Variants in CHN2 observed in about 807,000 individuals in gnomAD.
CHN2 encodes chimerin 2.
CHN2 carries 35 observed loss-of-function variants against 56.3 expected under a neutral mutation model. That is an observed-to-expected ratio of 0.62 (90% CI 0.47 to 0.82). The LOEUF (loss-of-function observed/expected upper bound fraction) is 0.82, where lower values mean the gene tolerates loss of function less well. Ranked by LOEUF, CHN2 falls within the 40% of genes least tolerant of loss-of-function variation. The pLI, the probability that CHN2 is intolerant of heterozygous loss-of-function variation, is 0.00. For synonymous variants in CHN2, 210 were observed against 212.8 expected (o/e 0.99, Z 0.12); for missense variants, 491 against 580.5 (o/e 0.85, Z 1.58).
intron 6 of CHN2, among the ~76,000 whole-genome samples, chr7:29,423,181 G>A (rs1417065374): frequency 2.6e-5 from 4 of 152,170 alleles, no homozygotes; most frequent in Non-Finnish European, 5.9e-5. Context: ...AGGAAATGAC[G>A]GGGACGTTTA....
intron 4 of CHN2, among the ~76,000 whole-genome samples, chr7:29,396,002 C>T (rs1322121597): frequency 6.6e-6 from 1 of 152,020 alleles, no homozygotes; most frequent in Non-Finnish European, 1.5e-5. Flanking sequence ...ATCCTGATTA[C>T]CCTGATTTGA....
intron 1 of CHN2, among the ~76,000 whole-genome samples, chr7:29,252,578 G>GTATTTTTTTTTTTT (rs1788664578): frequency 5.1e-5 from 1 of 19,488 alleles, no homozygotes; most frequent in Non-Finnish European, 8.2e-5. Context: ...TGCATTCTTT[G>GTATTTTTTTTTTTT]TTTTTTTTTT....
chr7:29,295,259 C>T (rs528530451), intron 1 of CHN2, among the ~76,000 whole-genome samples: 22 of 151,362 alleles, frequency 1.5e-4, no homozygotes, highest in Non-Finnish European at 2.9e-4. Flanking sequence ...GTTGAATCCA[C>T]AGATGTGGAA....
chr7:29,443,963 T>C (rs902158620), intron 6 of CHN2, among the ~76,000 whole-genome samples: 2 of 152,216 alleles, frequency 1.3e-5, no homozygotes, highest in African/African-American at 2.4e-5. Flanking sequence ...CATTATATTA[T>C]GGTTCCCACA....
chr7:29,456,878 C>T (rs1274955345), intron 6 of CHN2, among the ~76,000 whole-genome samples: 3 of 152,024 alleles, frequency 2.0e-5, no homozygotes, highest in African/African-American at 7.2e-5. Context: ...CACTTTGTCT[C>T]CAGAAAGCAC....
chr7:29,183,716 G>C (rs1798353650), intron 2 of CHN2, among the ~76,000 whole-genome samples: 2 of 152,200 alleles, frequency 1.3e-5, no homozygotes, highest in East Asian at 3.9e-4. Flanking sequence ...ATTCTCTAGA[G>C]AAAGAGAACC....
intron 2 of CHN2, among the ~76,000 whole-genome samples, chr7:29,179,754 G>A (rs1047071997): frequency 6.6e-6 from 1 of 152,032 alleles, no homozygotes; most frequent in East Asian, 1.9e-4. Context: ...TGCAAAACAC[G>A]GGTAAGAACT....
intron 2 of CHN2, among the ~76,000 whole-genome samples, chr7:29,168,123 A>G (rs1481003700): frequency 3.9e-5 from 6 of 152,168 alleles, no homozygotes. Flanking sequence ...AGAATATCTC[A>G]TTGTGGTTTT....
Position 29,502,628 on chromosome 7 carries a change from G to A in CHN2, c.914-2116G>A, listed in dbSNP as rs573877717. On this transcript the variant is annotated intron_variant, in intron 9 of 12. Transcript: ENST00000222792. ...GATTAGCTTCTTAAAAAAGCATCTC[G>A]ATGTAATACAGGGTGACGCTTTGCT... is the stretch of plus-strand genomic sequence containing the variant. Among the ~76,000 whole-genome samples the A allele has an allele frequency of 2.9e-4, 44 of 152,254 alleles. No homozygotes were observed. In the East Asian group the frequency reaches 4.0e-3, roughly 14 times the overall value.
intron 1 of CHN2, among the ~76,000 whole-genome samples, chr7:29,251,385 T>C (rs550254770): frequency 5.1e-4 from 78 of 151,790 alleles, no homozygotes; most frequent in Non-Finnish European, 9.3e-4. Flanking sequence ...GCCTGGGAGG[T>C]CAAGACTGCA....
intron 1 of CHN2, among the ~76,000 whole-genome samples, chr7:29,341,517 C>G (rs1306163566): frequency 6.6e-6 from 1 of 151,448 alleles, no homozygotes; most frequent in East Asian, 1.9e-4. Flanking sequence ...ACAATGAAAT[C>G]TGGGGAAGAG....
At chr7:29,211,471 C>T (rs958523209) in intron 1 of CHN2, among the ~76,000 whole-genome samples, 3 of 151,652 alleles carry the variant, frequency 2.0e-5, no homozygotes, top group Non-Finnish European at 4.4e-5. Flanking sequence ...CACACACACA[C>T]ACACACACAC....
At chr7:29,242,536 G>T (rs970542240) in intron 1 of CHN2, among the ~76,000 whole-genome samples, 1 of 151,768 alleles carries the variant, frequency 6.6e-6, no homozygotes, top group Non-Finnish European at 1.5e-5. Context: ...AGTTTTTTAC[G>T]CATTTTTTTT....
At chr7:29,451,222 A>G (rs1430180326) in intron 6 of CHN2, among the ~76,000 whole-genome samples, 1 of 152,218 alleles carries the variant, frequency 6.6e-6, no homozygotes, top group African/African-American at 2.4e-5. Flanking sequence ...ATTTTTGTCT[A>G]TTATGATGCT....
chr7:29,321,550 TTTTC>T (rs35810982), intron 1 of CHN2, among the ~76,000 whole-genome samples: 23 of 148,062 alleles, frequency 1.6e-4, no homozygotes, highest in Admixed American at 4.2e-4. Flanking sequence ...CCGTCTTTTC[TTTTC>T]TTTCTTTCTT....
intron 6 of CHN2, among the ~76,000 whole-genome samples, chr7:29,440,760 C>T (rs955673753): frequency 3.4e-5 from 5 of 148,620 alleles, no homozygotes; most frequent in African/African-American, 9.9e-5. Context: ...GTGCAAAGGA[C>T]TGCTAATCTG....
At chr7:29,237,260 T>C (rs1397251744) in intron 1 of CHN2, among the ~76,000 whole-genome samples, 2 of 152,198 alleles carry the variant, frequency 1.3e-5, no homozygotes, top group Non-Finnish European at 1.5e-5. Flanking sequence ...CACACTTGGC[T>C]CAGTGGGAAA....
rs1791649795 is a variant in CHN2, at chr7:29,512,817, G to C, written c.*82G>C. On this transcript the variant is annotated 3_prime_UTR_variant, in exon 13 of 13. Coordinates refer to ENST00000222792, the MANE Select transcript of CHN2 (RefSeq NM_004067.4). ...GGAATAAAAACATTTCTTACCACTT[G>C]ATTTGTTTTCCAAGCAAGTGCTAGA... 2.0e-6 allele frequency: 3 copies of C among 1,463,590 alleles called. No individual in the cohort carries two copies. The highest frequency in any genetic ancestry group is 2.8e-5 in the African/African-American group (2 of 70,568). 90.7% of individuals were successfully genotyped at this position (1,463,590 alleles called of 1,614,324 possible). A position where few individuals can be genotyped will look rare whatever the true frequency, so the allele number is the denominator to read the frequency against.
At chr7:29,264,871 G>GAAA (rs1437850016) in intron 1 of CHN2, among the ~76,000 whole-genome samples, 1 of 126,778 alleles carries the variant, frequency 7.9e-6, no homozygotes, top group Non-Finnish European at 1.6e-5. Context: ...ACTGTTAAAA[G>GAAA]CAAAAAAAAA....
Sources: gnomAD v4.1 joint callset for allele counts (sites outside exome capture counted in the v4.1 genomes callset) on GRCh38, gnomAD v4.1.1 for gene constraint, MANE v1.5 for transcripts, NCBI Gene and HGNC (gene_info 2026-07-23, HGNC 2026-07-21) for gene names.